Variants in ACTR3B observed in about 807,000 individuals in gnomAD.
The protein encoded by ACTR3B is actin-related protein 3B.
In ACTR3B, 8 loss-of-function variants were observed where a neutral mutation model predicts 59.0. The ratio of observed to expected loss-of-function variants is 0.14; its 90% CI spans 0.08 to 0.24. The LOEUF is 0.24. Ranked by LOEUF, ACTR3B falls within the 10% of genes least tolerant of loss-of-function variation. The pLI, the probability that ACTR3B is intolerant of heterozygous loss-of-function variation, is 1.00. For synonymous variants in ACTR3B, 148 were observed against 197.9 expected, an observed-to-expected ratio of 0.75 and a Z score of 2.12; for missense variants, 245 against 552.3, an observed-to-expected ratio of 0.44 and a Z score of 5.58.
intron 9 of ACTR3B, among the ~76,000 whole-genome samples, chr7:152,830,821 T>C (rs1480669243): frequency 6.6e-6 from 1 of 152,206 alleles, no homozygotes; most frequent in Admixed American, 6.5e-5. Context: ...AGCACTGGGA[T>C]TATAGGCGTG....
chr7:152,821,483 AAAG>A (rs1465584291), intron 7 of ACTR3B, among the ~76,000 whole-genome samples: 1 of 152,114 alleles, frequency 6.6e-6, no homozygotes, highest in East Asian at 1.9e-4. Context: ...AAAAAAAAAA[AAAG>A]AATTGAGCCT....
intron 9 of ACTR3B, among the ~76,000 whole-genome samples, chr7:152,833,105 C>T (rs2116917858): frequency 6.6e-6 from 1 of 152,306 alleles, no homozygotes; most frequent in East Asian, 1.9e-4. Flanking sequence ...CCCTTGGGTT[C>T]ACCACACAGG....
At chr7:152,788,757 A>C (rs1255932139) in intron 2 of ACTR3B, among the ~76,000 whole-genome samples, 2 of 152,108 alleles carry the variant, frequency 1.3e-5, no homozygotes, top group Non-Finnish European at 2.9e-5. Flanking sequence ...GCAGTGGTTC[A>C]CACCTGTAAT....
intron 9 of ACTR3B, 34 bp downstream of exon 9, chr7:152,825,156 A>C: frequency 1.9e-6 from 3 of 1,599,048 alleles, no homozygotes; most frequent in Non-Finnish European, 2.6e-6. Flanking sequence ...CTTTGATTTC[A>C]TTCCACAATT....
In ACTR3B at chr7:152,848,147, C is replaced by T. The variant is rs190979742; in HGVS notation, c.952-3979C>T. ...GGTGTGCCCACGGTGCTGTGTTGGC[C>T]ATTGGGTGTTACAGTAAGAAGCAGA... On this transcript the variant is annotated intron_variant, in intron 9 of 11. Transcript: ENST00000256001. Among the ~76,000 whole-genome samples the T allele has an allele frequency of 1.3e-3, 200 of 152,274 alleles. 1 individual carries two copies. Among genetic ancestry groups the T allele is most frequent in the African/African-American group, 4.7e-3 (194 of 41,552 alleles).
In ACTR3B at chr7:152,854,880, A is replaced by T. The variant is rs1799138992; in HGVS notation, c.*327A>T. On this transcript the variant is annotated 3_prime_UTR_variant, in exon 12 of 12. Coordinates refer to ENST00000256001, the MANE Select transcript of ACTR3B (RefSeq NM_020445.6). The surrounding 1 kb of genome is among the most constrained non-coding windows in gnomAD (Gnocchi z 4.9). The stretch of plus-strand genomic sequence containing the variant: ...AATTGTTAGAGAAAACAACATTAGA[A>T]AATGGCGCAAAATCGTTAGGTCCCA... The T allele has an allele frequency of 4.3e-6, 1 of 231,388 alleles. No homozygotes were observed. 14.3% of individuals were successfully genotyped at this position (231,388 alleles called of 1,614,324 possible).
At chr7:152,810,574 C>T (rs1286417012) in intron 4 of ACTR3B, among the ~76,000 whole-genome samples, 1 of 151,906 alleles carries the variant, frequency 6.6e-6, no homozygotes, top group Admixed American at 6.6e-5. Context: ...GCTGGGACTA[C>T]AGGCACACAC....
intron 2 of ACTR3B, among the ~76,000 whole-genome samples, chr7:152,792,297 G>T (rs1427466262): frequency 1.3e-5 from 2 of 152,054 alleles, no homozygotes; most frequent in African/African-American, 4.8e-5. Context: ...TTTAGAAAAC[G>T]CAAGAGGAAA....
intron 9 of ACTR3B, among the ~76,000 whole-genome samples, chr7:152,828,456 C>T (rs1455016386): frequency 2.0e-5 from 3 of 152,168 alleles, no homozygotes; most frequent in Non-Finnish European, 4.4e-5. Flanking sequence ...TCGGTGCACT[C>T]CCTGCTACGC....
intron 5 of ACTR3B, among the ~76,000 whole-genome samples, chr7:152,815,537 G>A (rs541123836): frequency 2.0e-5 from 3 of 152,294 alleles, no homozygotes; most frequent in African/African-American, 4.8e-5. Context: ...CTTCGTCTTC[G>A]ACCAGGGTTT....
intron 7 of ACTR3B, among the ~76,000 whole-genome samples, chr7:152,821,970 A>G (rs534761083): frequency 7.9e-5 from 12 of 152,330 alleles, no homozygotes; most frequent in South Asian, 6.2e-4. Flanking sequence ...ACCCAACTCA[A>G]TGGAAACATT....
chr7:152,760,033 C>A, intron 1 of ACTR3B, 107 bp downstream of exon 1: 2 of 1,064,470 alleles, frequency 1.9e-6, no homozygotes, highest in Non-Finnish European at 2.4e-6. Context: ...CGGGCTTGAG[C>A]CCCGCGATCA....
At chr7:152,843,843 C>T (rs1185949382) in intron 9 of ACTR3B, among the ~76,000 whole-genome samples, 2 of 152,092 alleles carry the variant, frequency 1.3e-5, no homozygotes, top group Non-Finnish European at 2.9e-5. Flanking sequence ...AGAATGTTCT[C>T]AGTTTTAGTA....
chr7:152,773,140 CA>C (rs2098128203), intron 1 of ACTR3B, among the ~76,000 whole-genome samples: 1 of 119,580 alleles, frequency 8.4e-6, no homozygotes, highest in Admixed American at 7.6e-5. Context: ...AGGAATAGTA[CA>C]AAAGTTAAAA....
chr7:152,825,134 C>T lies in ACTR3B; in HGVS notation c.951+12C>T. 2 of 1,610,762 alleles carry T rather than the reference C, an allele frequency of 1.2e-6. No individual in the cohort carries two copies. Among genetic ancestry groups the T allele is most frequent in the South Asian group, 1.1e-5 (1 of 90,220 alleles). On this transcript the variant is annotated intron_variant, in intron 9 of 11. Coordinates refer to ENST00000256001, the MANE Select transcript of ACTR3B (RefSeq NM_020445.6). ...GCCCGCTGTATAAGGTATGAGCTGC[C>T]TGGGTAAGGTACTTTGATTTCATTC...
chr7:152,848,835 C>T (rs1247729263), intron 9 of ACTR3B, among the ~76,000 whole-genome samples: 1 of 152,182 alleles, frequency 6.6e-6, no homozygotes, highest in Non-Finnish European at 1.5e-5. Context: ...GCTGCCACCC[C>T]CCCGTAGCTG....
At chr7:152,765,227 C>T (rs1358533882) in intron 1 of ACTR3B, among the ~76,000 whole-genome samples, 1 of 148,294 alleles carries the variant, frequency 6.7e-6, no homozygotes, top group Non-Finnish European at 1.5e-5. Flanking sequence ...AAGTGATTCT[C>T]CTGCCTCAGC....
At chr7:152,801,364 C>A (rs1423699999) in intron 3 of ACTR3B, among the ~76,000 whole-genome samples, 2 of 152,202 alleles carry the variant, frequency 1.3e-5, no homozygotes, top group Non-Finnish European at 2.9e-5. Flanking sequence ...GAGGCGTGAG[C>A]CACTGTGCCT....
At chr7:152,769,034 G>C (rs1401351596) in intron 1 of ACTR3B, among the ~76,000 whole-genome samples, 2 of 151,408 alleles carry the variant, frequency 1.3e-5, no homozygotes, top group South Asian at 4.2e-4. Context: ...TGTGTTTTTA[G>C]TAGAGACGGG....
Sources: allele counts gnomAD v4.1 joint callset (sites outside exome capture counted in the v4.1 genomes callset), GRCh38; gene constraint gnomAD v4.1.1; non-coding constraint Gnocchi (gnomAD v3.1); transcripts MANE v1.5; gene names NCBI Gene and HGNC (gene_info 2026-07-23, HGNC 2026-07-21).